The following MTMR2 variants were observed in gnomAD, a reference collection of about 807,000 sequenced individuals.
MTMR2 encodes the protein myotubularin related protein 2.
Under a neutral mutation model 86.9 loss-of-function variants are expected in MTMR2, and 55 were observed. The observed-to-expected ratio is 0.63, with a 90% CI of 0.51 to 0.79. MTMR2 has a LOEUF of 0.79. Among genes scored for constraint, MTMR2 ranks in the 30% least tolerant of loss-of-function variants. The pLI is 0.00. For synonymous variants in MTMR2, 241 were observed against 266.8 expected (o/e 0.90, Z 0.94); for missense variants, 659 against 772.3 (o/e 0.85, Z 1.74).
At chr11:95,857,154 G>T (rs1864243909) in intron 7 of MTMR2, among the ~76,000 whole-genome samples, 2 of 151,922 alleles carry the variant, frequency 1.3e-5, no homozygotes. Context: ...TGCTACGTTT[G>T]AAATTTAAAT....
Position 95,835,120 on chromosome 11 carries a change from A to C in MTMR2, c.*170T>G. 4.5e-6 allele frequency: 3 copies of C among 667,696 alleles called. No homozygotes were observed. The South Asian group carries it at 5.3e-5, about 12-fold the overall frequency. 41.4% of individuals were successfully genotyped at this position (667,696 alleles called of 1,614,324 possible). ...AATTACATATGGAGTTACTTCACTTAAGCCACCTGCACTGCTACAGTTCTA... is the reference window on the plus strand; with the variant it reads ...AATTACATATGGAGTTACTTCACTTCAGCCACCTGCACTGCTACAGTTCTA... On this transcript the variant is annotated 3_prime_UTR_variant, in exon 15 of 15. Transcript: ENST00000346299.
At chr11:95,856,112 T>C (rs575751096) in intron 7 of MTMR2, among the ~76,000 whole-genome samples, 1 of 152,160 alleles carries the variant, frequency 6.6e-6, no homozygotes, top group South Asian at 2.1e-4. Flanking sequence ...CATGGCATGC[T>C]ACCATATGCT....
intron 2 of MTMR2, among the ~76,000 whole-genome samples, chr11:95,872,046 G>A (rs1864910786): frequency 6.6e-6 from 1 of 151,944 alleles, no homozygotes; most frequent in East Asian, 1.9e-4. Flanking sequence ...GATAGTTGTA[G>A]ATATGTGTGA....
intron 2 of MTMR2, among the ~76,000 whole-genome samples, chr11:95,881,442 T>G (rs532683106): frequency 4.1e-5 from 6 of 146,566 alleles, no homozygotes; most frequent in Admixed American, 2.0e-4. Flanking sequence ...TTAACAGATA[T>G]ATTTGAAAAT....
rs1565341448 is a variant in MTMR2 at position 95,835,145 on chromosome 11, A to AAACTC, written c.*140_*144dup. 6 of 869,960 alleles carry AAACTC rather than the reference A, an allele frequency of 6.9e-6. No homozygotes were observed. The highest frequency in any genetic ancestry group is 6.7e-5 in the African/African-American group (4 of 59,682). The allele number at this position is 869,960 out of a possible 1,614,324, so 53.9% of individuals were successfully genotyped here. A position where few individuals can be genotyped will look rare whatever the true frequency, so the allele number is the denominator to read the frequency against. On this transcript the variant is annotated 3_prime_UTR_variant, in exon 15 of 15. Transcript: ENST00000346299. ...AAGCCACCTGCACTGCTACAGTTCT[A>AAACTC]AACTCATCCTAGAGAGATTTAAAAT...
At chr11:95,877,246 C>G (rs922918775) in intron 2 of MTMR2, among the ~76,000 whole-genome samples, 3 of 145,796 alleles carry the variant, frequency 2.1e-5, no homozygotes, top group Admixed American at 6.9e-5. Flanking sequence ...AAAATTCTAA[C>G]AAGGTAGAGC....
chr11:95,834,797 CA>C lies in MTMR2; in HGVS notation c.*492del. On this transcript the variant is annotated 3_prime_UTR_variant, in exon 15 of 15. Transcript: ENST00000346299. ...AAGTTGAAAAGTGATCAAGGTAAAT[CA>C]GTTACTGAAAAAAAGAAAAACCTAG... The C allele has an allele frequency of 6.0e-6, 1 of 168,008 alleles. No individual in the cohort carries two copies. Among genetic ancestry groups the C allele is most frequent in the South Asian group, 1.4e-4 (1 of 6,926 alleles). 10.4% of individuals were successfully genotyped at this position (168,008 alleles called of 1,614,324 possible). A position where few individuals can be genotyped will look rare whatever the true frequency, so the allele number is the denominator to read the frequency against.
chr11:95,911,042 C>T (rs1178077363), intron 1 of MTMR2, among the ~76,000 whole-genome samples: 1 of 152,034 alleles, frequency 6.6e-6, no homozygotes, highest in African/African-American at 2.4e-5. Flanking sequence ...TGCCAGAACC[C>T]TGCATTAAAC....
At chr11:95,914,713 T>C (rs910300688) in intron 1 of MTMR2, among the ~76,000 whole-genome samples, 1 of 152,164 alleles carries the variant, frequency 6.6e-6, no homozygotes, top group East Asian at 1.9e-4. Context: ...TCCTTATCAC[T>C]ACCACCCAAT....
chr11:95,905,588 C>T (rs568332436), intron 1 of MTMR2, among the ~76,000 whole-genome samples: 2 of 152,246 alleles, frequency 1.3e-5, no homozygotes, highest in South Asian at 2.1e-4. Flanking sequence ...CCTGGATATA[C>T]GCCTCCCTCA....
chr11:95,914,176 C>T, intron 1 of MTMR2: 1 of 977,376 alleles, frequency 1.0e-6, no homozygotes, highest in Non-Finnish European at 1.2e-6. Context: ...AATATATAAT[C>T]CAGAAATACT....
At chr11:95,886,349 A>G (rs1414363819) in intron 2 of MTMR2, among the ~76,000 whole-genome samples, 1 of 152,218 alleles carries the variant, frequency 6.6e-6, no homozygotes, top group African/African-American at 2.4e-5. Flanking sequence ...AAAGTTTAAG[A>G]AAAAGTAGCA....
intron 2 of MTMR2, among the ~76,000 whole-genome samples, chr11:95,873,426 T>C (rs1241880899): frequency 1.3e-5 from 2 of 152,214 alleles, no homozygotes; most frequent in East Asian, 1.9e-4. Flanking sequence ...TGATGGTAGT[T>C]TGTATTTCTG....
chr11:95,914,329 A>G, intron 1 of MTMR2: 1 of 968,926 alleles, frequency 1.0e-6, no homozygotes, highest in Non-Finnish European at 1.2e-6. Context: ...ATAAACACAA[A>G]GGAACTTAGG....
At chr11:95,898,023 T>A (rs756663033) in intron 1 of MTMR2, among the ~76,000 whole-genome samples, 2 of 152,136 alleles carry the variant, frequency 1.3e-5, no homozygotes, top group Non-Finnish European at 2.9e-5. Context: ...TTTGGAGTAA[T>A]CTTGGTACTT....
At chr11:95,858,877 C>G (rs949512805) in intron 5 of MTMR2, among the ~76,000 whole-genome samples, 3 of 152,098 alleles carry the variant, frequency 2.0e-5, no homozygotes, top group African/African-American at 7.2e-5. Flanking sequence ...TGCTTATGGA[C>G]TCAAAATAGG....
chr11:95,848,675 C>A (rs949299273), intron 9 of MTMR2, among the ~76,000 whole-genome samples: 1 of 152,074 alleles, frequency 6.6e-6, no homozygotes, highest in African/African-American at 2.4e-5. Flanking sequence ...AATACTGGAG[C>A]AGTAAATTAT....
intron 1 of MTMR2, among the ~76,000 whole-genome samples, chr11:95,896,517 AAGG>A (rs1461531292): frequency 6.6e-6 from 1 of 151,932 alleles, no homozygotes; most frequent in Non-Finnish European, 1.5e-5. Context: ...ATCAAACTTC[AAGG>A]AGAAGGGATC....
chr11:95,833,802 A>C lies in MTMR2; in HGVS notation c.*1488T>G, dbSNP rs947616165. Reference sequence around the variant, plus strand: ...ACTTAAATGCCCTGTTAAAAAGCTTATATTTCACACAATTACCAAAGAAAT... The same window carrying C: ...ACTTAAATGCCCTGTTAAAAAGCTTCTATTTCACACAATTACCAAAGAAAT... On this transcript the variant is annotated 3_prime_UTR_variant, in exon 15 of 15. Transcript: ENST00000346299. The C allele has an allele frequency of 6.6e-6, 1 of 152,094 alleles. No homozygotes were observed. The highest frequency in any genetic ancestry group is 1.9e-4 in the East Asian group (1 of 5,196). 9.4% of individuals were successfully genotyped at this position (152,094 alleles called of 1,614,324 possible).
Sources: gnomAD v4.1 joint callset for allele counts (sites outside exome capture counted in the v4.1 genomes callset) on GRCh38, gnomAD v4.1.1 for gene constraint, MANE v1.5 for transcripts, NCBI Gene and HGNC (gene_info 2026-07-23, HGNC 2026-07-21) for gene names.